The following IRS2 variants were observed in gnomAD, a reference collection of about 807,000 sequenced individuals.
IRS2 encodes the protein insulin receptor substrate 2.
Under a neutral mutation model 70.9 loss-of-function variants are expected in IRS2, and 28 were observed. The ratio of observed to expected loss-of-function variants is 0.39; its 90% CI spans 0.29 to 0.54. The LOEUF (loss-of-function observed/expected upper bound fraction) is 0.54. IRS2 is among the 20% of genes least tolerant of loss of function. The probability of loss-of-function intolerance (pLI) is 0.59; values close to 1 mark genes in which losing one functional copy is unlikely to be tolerated. For missense variants in IRS2, 2,081 were observed against 2,024.1 expected (o/e 1.03, Z -0.54); for synonymous variants, 1,217 against 981.9 (o/e 1.24, Z -4.48).
chr13:109,784,099 C>G lies in IRS2; in HGVS notation c.1955G>C (p.Gly652Ala), dbSNP rs2138934714. ...SSSSNLGADD[G>A]YMPMTPGAAL... ...CGCGCCGGGCGTCATGGGCATGTAG[C>G]CGTCGTCTGCCCCCAGGTTGCTGCT... The change falls in exon 1 of 2, where the codon GGC becomes GCC. Residue 652 changes from glycine (G) to alanine (A), a missense_variant. Physicochemically the swap from Gly to Ala is moderately conservative, Grantham distance 60. This residue lies in a region of IRS2 where 1,615 missense variants were observed against 1,459.5 expected (regional missense o/e 1.11). Coordinates refer to ENST00000375856, the MANE Select transcript of IRS2 (RefSeq NM_003749.3). The surrounding 1 kb of genome is among the most constrained non-coding windows in gnomAD (Gnocchi z 5.2). 1 of 1,592,006 alleles carries G rather than the reference C, an allele frequency of 6.3e-7. No homozygotes were observed. The highest frequency in any genetic ancestry group is 8.5e-7 in the Non-Finnish European group (1 of 1,176,438).
rs2138938790 is a variant in IRS2 at position 109,785,632 on chromosome 13, T to G, written c.422A>C (p.Asp141Ala). 1 of 1,534,094 alleles carries G rather than the reference T, an allele frequency of 6.5e-7. No homozygotes were observed. Among genetic ancestry groups the G allele is most frequent in the Non-Finnish European group, 8.7e-7 (1 of 1,145,550 alleles). The change falls in exon 1 of 2, where the codon GAC becomes GCC. Residue 141 changes from aspartate (D) to alanine (A), a missense_variant. Physicochemically the swap from Asp to Ala is moderately radical, Grantham distance 126 (BLOSUM62 -2). Coordinates refer to ENST00000375856, the MANE Select transcript of IRS2 (RefSeq NM_003749.3). This position sits in a 1 kb window ranked among gnomAD's most constrained non-coding sequence, Gnocchi z 9.3. ...EQEGWYRALTDLVSEGRAAAG... is the reference protein window; with the variant it reads ...EQEGWYRALTALVSEGRAAAG... ...GGCCGCGCGGCCCTCGCTGACCAGG[T>G]CGGTGAGCGCGCGGTACCAGCCCTC...
rs537719493 is a variant in IRS2 at position 109,773,464 on chromosome 13, C to T, written c.4012+8578G>A. 5.1e-4 allele frequency among the ~76,000 whole-genome samples: 78 copies of T among 152,312 alleles called. 1 individual carries two copies. Among genetic ancestry groups the T allele is most frequent in the African/African-American group, 1.8e-3 (75 of 41,574 alleles). ...ACACAGAGAGCAGTGACCGAATGCA[C>T]CCGCTGACTCATCACTGTGTCACCG... On this transcript the variant is annotated intron_variant, in intron 1 of 1. Transcript: ENST00000375856.
At chr13:109,779,257 A>C (rs538318389) in intron 1 of IRS2, among the ~76,000 whole-genome samples, 26 of 152,354 alleles carry the variant, frequency 1.7e-4, no homozygotes, top group Non-Finnish European at 2.8e-4. Context: ...CTGCATCAGC[A>C]TCACTAACGA....
rs902200772 is a variant in IRS2, at chr13:109,756,211, TG to T, written c.*92del. On this transcript the variant is annotated 3_prime_UTR_variant, in exon 2 of 2. Transcript: ENST00000375856. Reference sequence around the variant, plus strand: ...TCATTGCTCAGATCCAAAAGAAAACTGCAAGCAGCTTCGGGCTGAAACAGTG... The same window carrying T: ...TCATTGCTCAGATCCAAAAGAAAACTCAAGCAGCTTCGGGCTGAAACAGTG... 3 of 1,123,816 alleles carry T rather than the reference TG, an allele frequency of 2.7e-6. No homozygotes were observed. The highest frequency in any genetic ancestry group is 2.7e-6 in the Non-Finnish European group (2 of 734,712). 69.6% of individuals were successfully genotyped at this position (1,123,816 alleles called of 1,614,324 possible). A position where few individuals can be genotyped will look rare whatever the true frequency, so the allele number is the denominator to read the frequency against.
In IRS2 at chr13:109,785,964, G is replaced by A. The variant is rs1486272348; in HGVS notation, c.90C>T (p.Ser30=). The A allele has an allele frequency of 6.7e-7, 1 of 1,496,350 alleles. No individual in the cohort carries two copies. Among genetic ancestry groups the A allele is most frequent in the South Asian group, 1.2e-5 (1 of 80,194 alleles). The allele number at this position is 1,496,350 out of a possible 1,614,324, so 92.7% of individuals were successfully genotyped here. A position where few individuals can be genotyped will look rare whatever the true frequency, so the allele number is the denominator to read the frequency against. The stretch of plus-strand genomic sequence containing the variant: ...TGCGCAGGTAGCCGCACTTGCGCAC[G>A]CTGTGGTTGTTGTTGTTGTTGTTGT... ...LNNNNNNNNH[S]VRKCGYLRKQ... The change falls in exon 1 of 2, where the codon AGC becomes AGT. Residue 30 remains serine (S), a synonymous_variant. Coordinates refer to ENST00000375856, the MANE Select transcript of IRS2 (RefSeq NM_003749.3). This position sits in a 1 kb window ranked among gnomAD's most constrained non-coding sequence, Gnocchi z 9.3.
At position 109,784,849 on chromosome 13, in the gene IRS2, G is replaced by C. The variant is rs780259918; in HGVS notation, c.1205C>G (p.Ser402Trp). 14 of 1,228,596 alleles carry C rather than the reference G, an allele frequency of 1.1e-5. No homozygotes were observed. The highest frequency in any genetic ancestry group is 9.0e-5 in the South Asian group (4 of 44,246). The allele number at this position is 1,228,596 out of a possible 1,614,324, so 76.1% of individuals were successfully genotyped here. ...PGPVRAPLSR[S>W]HTLSGGCGGR... is the part of the protein sequence containing the mutation. ...GCCGCAGCCGCCGCTCAGGGTGTGC[G>C]AGCGGCTCAGGGGCGCGCGCACCGG... Residue 402 changes from serine (S) to tryptophan (W), a missense_variant, in exon 1 of 2, where the codon TCG becomes TGG. Coordinates refer to ENST00000375856, the MANE Select transcript of IRS2 (RefSeq NM_003749.3). This position sits in a 1 kb window ranked among gnomAD's most constrained non-coding sequence, Gnocchi z 5.2.
Position 109,784,674 on chromosome 13 carries a change from C to T in IRS2, c.1380G>A (p.Pro460=), listed in dbSNP as rs893880171. The change falls in exon 1 of 2, where the codon CCG becomes CCA. Residue 460 remains proline, a synonymous_variant. Transcript: ENST00000375856. The surrounding 1 kb of genome is among the most constrained non-coding windows in gnomAD (Gnocchi z 5.2). ...SSSGHGSGSY[P]PPPGPHPPLP... is the part of the protein sequence containing the mutation. ...GAGGCGGGTGCGGGCCGGGCGGCGG[C>T]GGGTAGGAGCCCGAGCCGTGGCCGC... is the stretch of plus-strand genomic sequence containing the variant. 8.0e-7 allele frequency: 1 copy of T among 1,242,274 alleles called. No individual in the cohort carries two copies. Among genetic ancestry groups the T allele is most frequent in the South Asian group, 3.6e-5 (1 of 27,728 alleles). 77.0% of individuals were successfully genotyped at this position (1,242,274 alleles called of 1,614,324 possible). A position where few individuals can be genotyped will look rare whatever the true frequency, so the allele number is the denominator to read the frequency against.
intron 1 of IRS2, among the ~76,000 whole-genome samples, chr13:109,762,218 T>C (rs1877242666): frequency 6.6e-6 from 1 of 152,238 alleles, no homozygotes; most frequent in Non-Finnish European, 1.5e-5. Flanking sequence ...ATGGCAAGAA[T>C]TGCCCACTGC....
At position 109,782,841 on chromosome 13, in the gene IRS2, G is replaced by C. The variant is rs2138930822; in HGVS notation, c.3213C>G (p.Asp1071Glu). 6.3e-7 allele frequency: 1 copy of C among 1,586,338 alleles called. No individual in the cohort carries two copies. Among genetic ancestry groups the C allele is most frequent in the Non-Finnish European group, 8.6e-7 (1 of 1,167,672 alleles). Residue 1071 changes from aspartate to glutamate, a missense_variant, in exon 1 of 2, where the codon GAC becomes GAG. By Grantham distance (45) the Asp-to-Glu change is conservative. Coordinates refer to ENST00000375856, the MANE Select transcript of IRS2 (RefSeq NM_003749.3). ...CCACACCAAAAGCCATCTCGGTGTA[G>C]TCACCATTGTCCCCGGTGTCCGAGG... ...SLSSDTGDNG[D>E]YTEMAFGVAA... is the part of the protein sequence containing the mutation.
At position 109,784,988 on chromosome 13, in the gene IRS2, A is replaced by C. The variant is rs2138937198; in HGVS notation, c.1066T>G (p.Cys356Gly). Residue 356 changes from cysteine to glycine, a missense_variant, in exon 1 of 2, where the codon TGC becomes GGC. Around this residue, in one of 4 missense-constraint regions of IRS2, gnomAD observed 111 missense variants for 133.1 expected, o/e 0.83. Coordinates refer to ENST00000375856, the MANE Select transcript of IRS2 (RefSeq NM_003749.3). This position sits in a 1 kb window ranked among gnomAD's most constrained non-coding sequence, Gnocchi z 5.2. ...SLAATPPAAK[C>G]SSCRVRTASE... The stretch of plus-strand genomic sequence containing the variant: ...GCGGTGCGCACCCGGCACGAGCTGC[A>C]CTTGGCCGCCGGCGGGGTGGCGGCC... 2 of 1,399,908 alleles carry C rather than the reference A, an allele frequency of 1.4e-6. No individual in the cohort carries two copies. The highest frequency in any genetic ancestry group is 1.8e-6 in the Non-Finnish European group (2 of 1,083,402). 86.7% of individuals were successfully genotyped at this position (1,399,908 alleles called of 1,614,324 possible).
At chr13:109,763,530 A>C (rs534267523) in intron 1 of IRS2, among the ~76,000 whole-genome samples, 102 of 152,246 alleles carry the variant, frequency 6.7e-4, no homozygotes, top group Non-Finnish European at 9.7e-4. Context: ...GTAAAGGTTT[A>C]TATATGAGAT....
Position 109,784,013 on chromosome 13 carries a change from CG to C in IRS2, c.2040del (p.Ala681ProfsTer146). ...CRSDDYMPMS[P>X]ASVSAPKQIL... ...ATCTGCTTGGGGGCGGACACGCTGG[CG>C]GGGCTCATGGGCATGTAGTCGTCGC... is the stretch of plus-strand genomic sequence containing the variant. On this transcript the variant is annotated frameshift_variant, in exon 1 of 2. Transcript: ENST00000375856. LOFTEE classifies it high-confidence loss of function. This position sits in a 1 kb window ranked among gnomAD's most constrained non-coding sequence, Gnocchi z 5.2. 1 of 1,535,974 alleles carries C rather than the reference CG, an allele frequency of 6.5e-7. No homozygotes were observed. Among genetic ancestry groups the C allele is most frequent in the Non-Finnish European group, 8.7e-7 (1 of 1,145,768 alleles).
intron 1 of IRS2, 93 bp downstream of exon 1, chr13:109,781,949 G>A: frequency 2.1e-6 from 3 of 1,421,162 alleles, no homozygotes; most frequent in Non-Finnish European, 2.9e-6. Flanking sequence ...CTGGGTCAAG[G>A]TCCCCAAAAA....
rs1377157672 is a variant in IRS2, at chr13:109,783,239, G to A, written c.2815C>T (p.Leu939=). ...GAGGAGGACGAGGCCGCCGACGCCA[G>A]CAGGGGAGGCGCGGGCGGCGACAGG... is the stretch of plus-strand genomic sequence containing the variant. ...ARLSPPAPPL[L]ASAASSSSLL... is the part of the protein sequence containing the mutation. The change falls in exon 1 of 2, where the codon CTG becomes TTG. Residue 939 remains leucine (L), a synonymous_variant. Coordinates refer to ENST00000375856, the MANE Select transcript of IRS2 (RefSeq NM_003749.3). The A allele has an allele frequency of 6.8e-7, 1 of 1,464,994 alleles. No homozygotes were observed. Among genetic ancestry groups the A allele is most frequent in the African/African-American group, 1.5e-5 (1 of 67,922 alleles). The allele number at this position is 1,464,994 out of a possible 1,614,324, so 90.7% of individuals were successfully genotyped here.
rs2138930283 is a variant in IRS2, at chr13:109,782,641, G to A, written c.3413C>T (p.Ala1138Val). The A allele has an allele frequency of 6.4e-7, 1 of 1,571,486 alleles. No individual in the cohort carries two copies. Among genetic ancestry groups the A allele is most frequent in the Non-Finnish European group, 8.6e-7 (1 of 1,160,556 alleles). The change falls in exon 1 of 2, where the codon GCA (alanine) becomes GTA (valine). Residue 1138 changes from alanine to valine, a missense_variant. By Grantham distance (64) the Ala-to-Val change is moderately conservative (BLOSUM62 0). This residue lies in a region of IRS2 where 1,615 missense variants were observed against 1,459.5 expected (regional missense o/e 1.11). Transcript: ENST00000375856. ...DPHRGAKVIR[A>V]DPQGGRRRHS... ...GCGGCGGCGGCCCCCCTGCGGGTCT[G>A]CGCGGATGACCTTGGCGCCGCGGTG...
intron 1 of IRS2, among the ~76,000 whole-genome samples, chr13:109,768,805 A>C (rs1201502639): frequency 6.6e-6 from 1 of 152,030 alleles, no homozygotes; most frequent in Non-Finnish European, 1.5e-5. Context: ...CTCTCTACAG[A>C]CTGGGAAAGT....
At chr13:109,778,591 T>G (rs1566410723) in intron 1 of IRS2, among the ~76,000 whole-genome samples, 1 of 152,240 alleles carries the variant, frequency 6.6e-6, no homozygotes, top group Non-Finnish European at 1.5e-5. Context: ...ATTTCTGAAT[T>G]TAGGAAAATT....
intron 1 of IRS2, among the ~76,000 whole-genome samples, chr13:109,769,183 C>G (rs952309542): frequency 2.6e-5 from 4 of 152,114 alleles, no homozygotes; most frequent in African/African-American, 7.2e-5. Flanking sequence ...TTCGAGTTGA[C>G]GTATACTCTA....
At position 109,753,612 on chromosome 13, in the gene IRS2, T is replaced by C. The variant is rs1877040932; in HGVS notation, c.*2692A>G. ...AGCACGTCATAAGGACTCTGTTTTG[T>C]AGAGTACATCGAATGTTCTGTTTTG... On this transcript the variant is annotated 3_prime_UTR_variant, in exon 2 of 2. Transcript: ENST00000375856. The C allele has an allele frequency of 6.0e-6, 1 of 167,940 alleles. No individual in the cohort carries two copies. The highest frequency in any genetic ancestry group is 6.4e-5 in the Admixed American group (1 of 15,660). The allele number at this position is 167,940 out of a possible 1,614,324, so 10.4% of individuals were successfully genotyped here.
Sources: gnomAD v4.1 joint callset for allele counts (sites outside exome capture counted in the v4.1 genomes callset) on GRCh38, gnomAD v4.1.1 for gene constraint, gnomAD v4.1.1 regional missense constraint, Gnocchi (gnomAD v3.1) non-coding constraint, MANE v1.5 for transcripts, NCBI Gene and HGNC (gene_info 2026-07-23, HGNC 2026-07-21) for gene names.